Variants in NUP54 observed in about 807,000 individuals in gnomAD.
NUP54 encodes the protein nucleoporin 54.
In NUP54, 27 loss-of-function variants were observed where a neutral mutation model predicts 66.4. That is an observed-to-expected ratio of 0.41 (90% CI 0.30 to 0.56). The LOEUF (loss-of-function observed/expected upper bound fraction) is 0.56. Among genes scored for constraint, NUP54 ranks in the 20% least tolerant of loss-of-function variants. The probability of loss-of-function intolerance (pLI) is 0.34; values close to 1 mark genes in which losing one functional copy is unlikely to be tolerated. For synonymous variants in NUP54, 206 were observed against 210.7 expected (o/e 0.98, Z 0.19); for missense variants, 486 against 596.3 (o/e 0.82, Z 1.93).
chr4:76,125,803 GAGAGA>G (rs1730502043), intron 8 of NUP54, among the ~76,000 whole-genome samples: 1 of 62,042 alleles, frequency 1.6e-5, no homozygotes, highest in Non-Finnish European at 3.1e-5. Context: ...GGGAGAGGGA[GAGAGA>G]GGGAGAAGAG....
At chr4:76,137,762 A>G (rs991172352) in intron 3 of NUP54, among the ~76,000 whole-genome samples, 1 of 152,210 alleles carries the variant, frequency 6.6e-6, no homozygotes, top group Non-Finnish European at 1.5e-5. Flanking sequence ...GAGCAAGTCT[A>G]AGGCTCAGAG....
At chr4:76,139,094 A>T (rs1034209219) in intron 3 of NUP54, among the ~76,000 whole-genome samples, 2 of 152,214 alleles carry the variant, frequency 1.3e-5, no homozygotes, top group Non-Finnish European at 2.9e-5. Context: ...AGGGTGATCA[A>T]GCAGTCTTGG....
intron 9 of NUP54, among the ~76,000 whole-genome samples, chr4:76,118,721 T>A (rs2109852485): frequency 6.6e-6 from 1 of 151,544 alleles, no homozygotes; most frequent in South Asian, 2.1e-4. Flanking sequence ...ATGGTATGGC[T>A]TGGCCGGGCG....
At chr4:76,140,759 T>C (rs925922869) in intron 3 of NUP54, among the ~76,000 whole-genome samples, 1 of 152,202 alleles carries the variant, frequency 6.6e-6, no homozygotes, top group Admixed American at 6.6e-5. Context: ...ATCAAGAATT[T>C]AGAGAGGTAT....
intron 9 of NUP54, among the ~76,000 whole-genome samples, chr4:76,123,765 C>T (rs1730339617): frequency 6.6e-6 from 1 of 152,140 alleles, no homozygotes; most frequent in South Asian, 2.1e-4. Context: ...CCACTCACCT[C>T]GGCCTCCCAA....
intron 9 of NUP54, among the ~76,000 whole-genome samples, chr4:76,123,641 T>A (rs1184621329): frequency 1.3e-5 from 2 of 152,086 alleles, no homozygotes; most frequent in Admixed American, 1.3e-4. Context: ...GCCTCCCAAG[T>A]AACTGGAACT....
intron 9 of NUP54, among the ~76,000 whole-genome samples, chr4:76,120,662 C>T (rs1730195601): frequency 1.3e-5 from 2 of 152,044 alleles, no homozygotes; most frequent in Admixed American, 6.5e-5. Context: ...CTCCTGACCT[C>T]GTGATCCACC....
At chr4:76,137,000 A>C (rs1182579975) in intron 3 of NUP54, among the ~76,000 whole-genome samples, 1 of 152,054 alleles carries the variant, frequency 6.6e-6, no homozygotes, top group African/African-American at 2.4e-5. Context: ...TTCTAATAAT[A>C]TTTTTTTGAG....
intron 11 of NUP54, among the ~76,000 whole-genome samples, chr4:76,116,223 A>C (rs532240388): frequency 6.6e-6 from 1 of 152,346 alleles, no homozygotes; most frequent in South Asian, 2.1e-4. Flanking sequence ...GGAACCTGTT[A>C]ATTTATTGCA....
At chr4:76,130,921 C>T (rs1376294573) in intron 7 of NUP54, 172 bp from the exon 8 acceptor site, 3 of 610,560 alleles carry the variant, frequency 4.9e-6, no homozygotes, top group African/African-American at 3.7e-5. Context: ...TTCAACCTCC[C>T]TATTTTACAA....
chr4:76,119,274 TC>T (rs1011561739), intron 9 of NUP54, among the ~76,000 whole-genome samples: 10 of 152,194 alleles, frequency 6.6e-5, no homozygotes, highest in Non-Finnish European at 1.3e-4. Flanking sequence ...TGATGTTTAT[TC>T]CCCTGTACCT....
At chr4:76,116,829 A>G (rs548152316) in intron 11 of NUP54, among the ~76,000 whole-genome samples, 162 of 152,296 alleles carry the variant, frequency 1.1e-3, no homozygotes, top group African/African-American at 3.8e-3. Context: ...CCTACACTTT[A>G]AGGAGCAAGG....
chr4:76,129,176 A>G (rs2109877352), intron 8 of NUP54, among the ~76,000 whole-genome samples: 1 of 152,306 alleles, frequency 6.6e-6, no homozygotes, highest in East Asian at 1.9e-4. Context: ...TTGAATTATC[A>G]CACTATGCCC....
intron 3 of NUP54, among the ~76,000 whole-genome samples, chr4:76,137,908 G>C (rs1731105507): frequency 6.6e-6 from 1 of 152,062 alleles, no homozygotes; most frequent in South Asian, 2.1e-4. Context: ...TAAAATAACT[G>C]TATTTCGTGT....
rs1730041123 is a variant in NUP54, at chr4:76,118,206, A to G, written c.1165-12T>C. ...TGTTTGATTAGGACCTATACAAATA[A>G]AAACCACCAATAACAACAGAATCAT... On this transcript the variant is annotated splice_polypyrimidine_tract_variant and intron_variant, in intron 9 of 11. Transcript: ENST00000264883. 6.2e-7 allele frequency: 1 copy of G among 1,609,510 alleles called. No individual in the cohort carries two copies.
chr4:76,118,368 T>C (rs4498155), intron 9 of NUP54, 174 bp from the exon 10 acceptor site: 284,780 of 604,250 alleles, frequency 0.47, 72,440 homozygotes, highest in East Asian at 0.91. Context: ...AAAGTTATCA[T>C]ATAAATACAA....
At chr4:76,143,166 T>C (rs1731337374) in intron 3 of NUP54, among the ~76,000 whole-genome samples, 1 of 151,862 alleles carries the variant, frequency 6.6e-6, no homozygotes, top group Non-Finnish European at 1.5e-5. Flanking sequence ...AAAATATATA[T>C]ATGTACGCCC....
In NUP54 at chr4:76,125,316, T is replaced by TCACACACACACA. The variant is rs34954421; in HGVS notation, c.1057-572_1057-561dup. Among the ~76,000 whole-genome samples the TCACACACACACA allele has an allele frequency of 2.5e-3, 316 of 125,378 alleles. 1 individual carries two copies. Among genetic ancestry groups the TCACACACACACA allele is most frequent in the African/African-American group, 8.4e-3 (308 of 36,750 alleles). The allele number at this position is 125,378 out of a possible 152,430, so 82.3% of individuals were successfully genotyped here. A position where few individuals can be genotyped will look rare whatever the true frequency, so the allele number is the denominator to read the frequency against. ...AAACAAAAAACAGAGTGAGACTCCA[T>TCACACACACACA]CACACACACACACACACACACACAC... On this transcript the variant is annotated intron_variant, in intron 8 of 11. Transcript: ENST00000264883.
chr4:76,144,105 T>C, intron 3 of NUP54, 44 bp downstream of exon 3: 3 of 1,600,160 alleles, frequency 1.9e-6, no homozygotes, highest in Non-Finnish European at 2.6e-6. Context: ...TGTCAGCTAG[T>C]ATCATCACGG....
Sources: gnomAD v4.1 joint callset for allele counts (sites outside exome capture counted in the v4.1 genomes callset) on GRCh38, gnomAD v4.1.1 for gene constraint, MANE v1.5 for transcripts, NCBI Gene and HGNC (gene_info 2026-07-23, HGNC 2026-07-21) for gene names.